The following CDH4 variants were observed in gnomAD, a reference collection of about 807,000 sequenced individuals.
CDH4 encodes the protein cadherin 4.
A neutral mutation model predicts 86.0 loss-of-function variants in CDH4; 33 were observed. That is an observed-to-expected ratio of 0.38 (90% confidence interval 0.29 to 0.51). The LOEUF is 0.51. Among genes scored for constraint, CDH4 ranks in the 20% least tolerant of loss-of-function variants. The pLI is 0.86. For synonymous variants in CDH4, 555 were observed against 549.4 expected (o/e 1.01, Z -0.14); for missense variants, 1,114 against 1,307.4 (o/e 0.85, Z 2.28).
At chr20:61,644,748 G>A (rs899369063) in intron 2 of CDH4, among the ~76,000 whole-genome samples, 6 of 152,168 alleles carry the variant, frequency 3.9e-5, no homozygotes, top group Non-Finnish European at 8.8e-5. Context: ...GCTTCGTGGA[G>A]TTCTGAAATA....
rs117773867 is a variant in CDH4 at position 61,289,052 on chromosome 20, C to T, written c.169+34115C>T. On this transcript the variant is annotated intron_variant, in intron 2 of 15. Transcript: ENST00000614565. ...GACAGAGCAGTTTATGAAGCACACT[C>T]TTCTTTAGAAGGCAGAAGTTGTTTC... Among the ~76,000 whole-genome samples the T allele has an allele frequency of 3.2e-4, 49 of 152,342 alleles. No individual in the cohort carries two copies. In the East Asian group the frequency reaches 9.1e-3, roughly 28 times the overall value.
chr20:61,284,276 T>G (rs1287219651), intron 2 of CDH4, among the ~76,000 whole-genome samples: 1 of 152,048 alleles, frequency 6.6e-6, no homozygotes, highest in Admixed American at 6.5e-5. Context: ...ATTGCACCAC[T>G]GCACTCCAGC....
At chr20:61,261,136 C>G (rs559945668) in intron 2 of CDH4, among the ~76,000 whole-genome samples, 6 of 152,292 alleles carry the variant, frequency 3.9e-5, no homozygotes, top group Non-Finnish European at 8.8e-5. Flanking sequence ...CAGGAGGAAT[C>G]TAGGCTCAAG....
At chr20:61,839,898 GTAC>G (rs1568843391) in intron 4 of CDH4, among the ~76,000 whole-genome samples, 2 of 151,156 alleles carry the variant, frequency 1.3e-5, no homozygotes, top group African/African-American at 4.9e-5. Context: ...GTGTATGTGT[GTAC>G]TGTGTGTGTG....
chr20:61,730,112 G>T (rs2088160924), intron 2 of CDH4, among the ~76,000 whole-genome samples: 1 of 152,116 alleles, frequency 6.6e-6, no homozygotes, highest in African/African-American at 2.4e-5. Context: ...GCATTTGTTA[G>T]GACTGACGGA....
At chr20:61,333,737 C>A (rs1319309766) in intron 2 of CDH4, among the ~76,000 whole-genome samples, 1 of 152,254 alleles carries the variant, frequency 6.6e-6, no homozygotes, top group Admixed American at 6.5e-5. Flanking sequence ...CGAAGAGCAT[C>A]GTGATGTGGT....
chr20:61,897,366 G>A (rs1157147243), intron 8 of CDH4, among the ~76,000 whole-genome samples: 5 of 151,926 alleles, frequency 3.3e-5, no homozygotes, highest in Non-Finnish European at 5.9e-5. Flanking sequence ...CAAGGCAGAG[G>A]CCCTTCTAGA....
At chr20:61,731,788 G>A (rs1454935524) in intron 2 of CDH4, among the ~76,000 whole-genome samples, 3 of 152,104 alleles carry the variant, frequency 2.0e-5, no homozygotes, top group Admixed American at 2.0e-4. Context: ...CAGGTGTCCT[G>A]GCACCACGGG....
intron 2 of CDH4, among the ~76,000 whole-genome samples, chr20:61,673,941 A>G (rs1221993923): frequency 6.6e-6 from 1 of 152,206 alleles, no homozygotes; most frequent in Non-Finnish European, 1.5e-5. Flanking sequence ...CCAAATTGGC[A>G]CCCATTGAAA....
chr20:61,354,209 G>A (rs544130402), intron 2 of CDH4, among the ~76,000 whole-genome samples: 5 of 152,196 alleles, frequency 3.3e-5, no homozygotes, highest in East Asian at 3.9e-4. Flanking sequence ...TCCCAGCGCC[G>A]AGGTCGGGCC....
intron 2 of CDH4, among the ~76,000 whole-genome samples, chr20:61,330,167 T>G (rs1413343310): frequency 6.6e-6 from 1 of 152,224 alleles, no homozygotes; most frequent in Non-Finnish European, 1.5e-5. Flanking sequence ...TGTATCTTTA[T>G]AATAGAATGA....
chr20:61,709,732 C>A lies in CDH4; in HGVS notation c.170-33831C>A, dbSNP rs1417257793. On this transcript the variant is annotated intron_variant, in intron 2 of 15. Coordinates refer to ENST00000614565, the MANE Select transcript of CDH4 (RefSeq NM_001794.5). The surrounding 1 kb of genome is among the most constrained non-coding windows in gnomAD (Gnocchi z 4.8). ...GGTGATGCTCCACTCTACACACTTG[C>A]CACGTCCCCTGGTCCTCACGAAGCC... Among the ~76,000 whole-genome samples the A allele has an allele frequency of 1.3e-5, 2 of 152,124 alleles. No homozygotes were observed. The highest frequency in any genetic ancestry group is 2.9e-5 in the Non-Finnish European group (2 of 68,028).
chr20:61,861,221 G>C (rs943076746), intron 6 of CDH4, among the ~76,000 whole-genome samples: 1 of 152,204 alleles, frequency 6.6e-6, no homozygotes, highest in Non-Finnish European at 1.5e-5. Flanking sequence ...GAGGTTCCAC[G>C]TGGGAAGGAC....
rs139127009 is a variant in CDH4, at chr20:61,351,017, G to A, written c.169+96080G>A. Among the ~76,000 whole-genome samples, 875 of 152,292 alleles carry A rather than the reference G, an allele frequency of 5.7e-3. 3 individuals carry two copies. Among genetic ancestry groups the A allele is most frequent in the African/African-American group, 0.019 (790 of 41,564 alleles). On this transcript the variant is annotated intron_variant, in intron 2 of 15. Coordinates refer to ENST00000614565, the MANE Select transcript of CDH4 (RefSeq NM_001794.5). The stretch of plus-strand genomic sequence containing the variant: ...TGAACGCCAACAAACCTGTGTTCAC[G>A]GTGGTGCTGGGGTGGCAGCTGTGGT...
At chr20:61,513,097 C>T (rs1488173557) in intron 2 of CDH4, among the ~76,000 whole-genome samples, 1 of 152,178 alleles carries the variant, frequency 6.6e-6, no homozygotes, top group Non-Finnish European at 1.5e-5. Flanking sequence ...GGGATTTTGT[C>T]CTACAGGTAG....
intron 2 of CDH4, among the ~76,000 whole-genome samples, chr20:61,505,108 C>T (rs1225259130): frequency 2.0e-5 from 3 of 152,166 alleles, no homozygotes; most frequent in African/African-American, 7.2e-5. Context: ...CATCTGCTTT[C>T]ACTCATGTCT....
intron 4 of CDH4, among the ~76,000 whole-genome samples, chr20:61,773,945 G>T (rs963318796): frequency 2.6e-5 from 4 of 152,222 alleles, no homozygotes; most frequent in African/African-American, 7.2e-5. Flanking sequence ...TTGGAATGCA[G>T]AGATGGGAGG....
At chr20:61,584,409 A>G (rs151142188) in intron 2 of CDH4, among the ~76,000 whole-genome samples, 110 of 152,244 alleles carry the variant, frequency 7.2e-4, no homozygotes, top group Non-Finnish European at 1.2e-3. Context: ...CTTTCTGCTC[A>G]TCCCAGACCG....
intron 2 of CDH4, among the ~76,000 whole-genome samples, chr20:61,458,194 TATGGTC>T (rs1291421633): frequency 7.7e-6 from 1 of 130,078 alleles, no homozygotes; most frequent in East Asian, 2.4e-4. Flanking sequence ...CGGTGATGGT[TATGGTC>T]ATGATGTTGA....
Sources: allele counts gnomAD v4.1 joint callset (sites outside exome capture counted in the v4.1 genomes callset), GRCh38; gene constraint gnomAD v4.1.1; non-coding constraint Gnocchi (gnomAD v3.1); transcripts MANE v1.5; gene names NCBI Gene and HGNC (gene_info 2026-07-23, HGNC 2026-07-21).